KIZ: variants seen among roughly 807,000 people sequenced by gnomAD.
KIZ encodes kizuna centrosomal protein.
A neutral mutation model predicts 79.6 loss-of-function variants in KIZ; 68 were observed. The ratio of observed to expected loss-of-function variants is 0.85; its 90% CI spans 0.70 to 1.05. The LOEUF (loss-of-function observed/expected upper bound fraction) is 1.05, where lower values mean the gene tolerates loss of function less well. Ranked by LOEUF, KIZ falls within the 50% of genes least tolerant of loss-of-function variation. The probability of loss-of-function intolerance (pLI) is 0.00; values close to 1 mark genes in which losing one functional copy is unlikely to be tolerated. For missense variants in KIZ, 797 were observed against 800.4 expected, an observed-to-expected ratio of 1.00 and a Z score of 0.05; for synonymous variants, 280 against 281.8, an observed-to-expected ratio of 0.99 and a Z score of 0.06.
intron 9 of KIZ, chr20:21,218,546 T>C (rs1445382209): frequency 1.3e-5 from 2 of 152,192 alleles, no homozygotes; most frequent in Non-Finnish European, 2.9e-5. Flanking sequence ...CATAGAAGCA[T>C]AGTGAAGACT....
chr20:21,241,758 T>A (rs1340418245), intron 11 of KIZ, among the ~76,000 whole-genome samples: 2 of 152,206 alleles, frequency 1.3e-5, no homozygotes, highest in African/African-American at 2.4e-5. Context: ...GACTCAGCAT[T>A]GCTGGCTGAT....
chr20:21,220,233 C>G (rs1191971654), intron 9 of KIZ, among the ~76,000 whole-genome samples: 1 of 151,350 alleles, frequency 6.6e-6, no homozygotes, highest in African/African-American at 2.4e-5. Flanking sequence ...TCCTGGGATA[C>G]CAGAAACCAC....
At chr20:21,203,959 C>G (rs368775204) in intron 6 of KIZ, among the ~76,000 whole-genome samples, 1 of 152,078 alleles carries the variant, frequency 6.6e-6, no homozygotes, top group Admixed American at 6.6e-5. Context: ...TTCCCTTCCC[C>G]CCAGGCCCCA....
intron 6 of KIZ, among the ~76,000 whole-genome samples, chr20:21,171,412 A>G (rs546973517): frequency 1.3e-5 from 2 of 152,208 alleles, no homozygotes; most frequent in South Asian, 2.1e-4. Flanking sequence ...TGTCTTTTAC[A>G]GAGCAGAAGT....
intron 1 of KIZ, 104 bp from the exon 2 acceptor site, chr20:21,131,991 TAA>T: frequency 1.6e-6 from 1 of 614,572 alleles, no homozygotes; most frequent in Admixed American, 3.5e-5. Context: ...TTTTGACCTC[TAA>T]TCAACACCTT....
At chr20:21,180,292 C>T (rs764419039) in intron 6 of KIZ, among the ~76,000 whole-genome samples, 3 of 149,124 alleles carry the variant, frequency 2.0e-5, no homozygotes, top group Non-Finnish European at 3.0e-5. Flanking sequence ...AAGATGATGA[C>T]GATGACAACT....
chr20:21,173,446 C>T (rs888800968), intron 6 of KIZ, among the ~76,000 whole-genome samples: 8 of 151,880 alleles, frequency 5.3e-5, no homozygotes, highest in Middle Eastern at 3.4e-3. Context: ...GGTGTGGTGG[C>T]GGGTGCCTGT....
chr20:21,167,909 T>TA (rs1410003484), intron 6 of KIZ, among the ~76,000 whole-genome samples: 3 of 152,292 alleles, frequency 2.0e-5, no homozygotes, highest in Admixed American at 2.0e-4. Flanking sequence ...AAAGTACCAT[T>TA]AAAAAATAGT....
At chr20:21,152,589 A>T (rs1478810362) in intron 4 of KIZ, among the ~76,000 whole-genome samples, 4 of 152,200 alleles carry the variant, frequency 2.6e-5, no homozygotes, top group African/African-American at 9.7e-5. Context: ...ATAAAAAGAA[A>T]GGGCTGTTAC....
At chr20:21,207,480 C>G (rs2035877255) in intron 7 of KIZ, among the ~76,000 whole-genome samples, 1 of 111,718 alleles carries the variant, frequency 9.0e-6, no homozygotes, top group Admixed American at 1.1e-4. Context: ...CCCTCCCTTC[C>G]CTCTCCTTCT....
intron 2 of KIZ, 148 bp downstream of exon 2, chr20:21,132,307 C>CT: frequency 1.8e-6 from 1 of 550,230 alleles, no homozygotes; most frequent in South Asian, 2.5e-5. Flanking sequence ...GAGTCTTGCT[C>CT]TTTCGCTCAG....
At chr20:21,222,728 T>C (rs1227842009) in intron 9 of KIZ, among the ~76,000 whole-genome samples, 1 of 152,184 alleles carries the variant, frequency 6.6e-6, no homozygotes, top group Non-Finnish European at 1.5e-5. Flanking sequence ...TCTGCCTCTG[T>C]CTTCACTTGG....
chr20:21,194,486 C>G (rs934635024), intron 6 of KIZ: 1 of 152,160 alleles, frequency 6.6e-6, no homozygotes, highest in Admixed American at 6.5e-5. Flanking sequence ...TTCTTTTGAG[C>G]AAAAGAACTG....
At chr20:21,133,685 G>A (rs2031991917) in intron 2 of KIZ, among the ~76,000 whole-genome samples, 2 of 152,354 alleles carry the variant, frequency 1.3e-5, no homozygotes, top group African/African-American at 2.4e-5. Context: ...CCTAGTACCT[G>A]CCAGAAGGCA....
chr20:21,131,833 G>T (rs984181943), intron 1 of KIZ: 1 of 283,426 alleles, frequency 3.5e-6, no homozygotes, highest in Non-Finnish European at 6.6e-6. Flanking sequence ...TTATTCTTTT[G>T]TCTCCTATTG....
chr20:21,154,149 C>T (rs2033256807), intron 4 of KIZ: 1 of 152,118 alleles, frequency 6.6e-6, no homozygotes, highest in South Asian at 2.1e-4. Context: ...GGTCTAACAG[C>T]TTCATTTCTG....
chr20:21,240,959 T>C (rs1023271815), intron 11 of KIZ, among the ~76,000 whole-genome samples: 1 of 152,216 alleles, frequency 6.6e-6, no homozygotes, highest in Non-Finnish European at 1.5e-5. Flanking sequence ...TCCCTGGTTC[T>C]TTACAGAAAA....
intron 3 of KIZ, among the ~76,000 whole-genome samples, chr20:21,142,859 TTATG>T (rs2032643557): frequency 6.6e-6 from 1 of 152,056 alleles, no homozygotes. Flanking sequence ...AGTCATTAGG[TTATG>T]TATGCCTATA....
chr20:21,167,056 G>C (rs2033976840), intron 6 of KIZ, among the ~76,000 whole-genome samples: 1 of 152,224 alleles, frequency 6.6e-6, no homozygotes, highest in Non-Finnish European at 1.5e-5. Context: ...CCAATAACCA[G>C]TGAGTGTGGA....
Sources: allele counts gnomAD v4.1 joint callset (sites outside exome capture counted in the v4.1 genomes callset), GRCh38; gene constraint gnomAD v4.1.1; transcripts MANE v1.5; gene names NCBI Gene and HGNC (gene_info 2026-07-23, HGNC 2026-07-21).